Variants in SH3BP5L observed in about 807,000 individuals in gnomAD.
SH3BP5L encodes SH3 binding domain protein 5 like.
Under a neutral mutation model 40.9 loss-of-function variants are expected in SH3BP5L, and 16 were observed. The observed-to-expected ratio is 0.39, with a 90% CI of 0.27 to 0.59. SH3BP5L has a LOEUF of 0.59. SH3BP5L is among the 20% of genes least tolerant of loss of function. The probability of loss-of-function intolerance (pLI) is 0.53; values close to 1 mark genes in which losing one functional copy is unlikely to be tolerated. For missense variants in SH3BP5L, 471 were observed against 544.6 expected (o/e 0.86, Z 1.35); for synonymous variants, 229 against 226.7 (o/e 1.01, Z -0.09).
intron 2 of SH3BP5L, among the ~76,000 whole-genome samples, chr1:248,820,074 G>A (rs544741964): frequency 6.6e-6 from 1 of 152,234 alleles, no homozygotes; most frequent in Admixed American, 6.5e-5. Context: ...CAATCCGTAT[G>A]CACTTGACTC....
chr1:248,814,800 C>T, intron 4 of SH3BP5L, 190 bp from the exon 5 acceptor site: 2 of 723,522 alleles, frequency 2.8e-6, no homozygotes, highest in Non-Finnish European at 4.9e-6. Context: ...AGGATATGGA[C>T]TAGAAGAAAT....
At position 248,813,195 on chromosome 1, in the gene SH3BP5L, C is replaced by A. The variant is rs571643456; in HGVS notation, c.538-33G>T. On this transcript the variant is annotated intron_variant, in intron 5 of 6. Coordinates refer to ENST00000366472, the MANE Select transcript of SH3BP5L (RefSeq NM_030645.3). ...AGAGGACACATCACTGAGCCAGGAC[C>A]CATGCTTCAGTCTCTGGCATCTGCC... The A allele has an allele frequency of 6.7e-6, 10 of 1,483,202 alleles. No homozygotes were observed. The Admixed American group carries it at 1.3e-4, about 20-fold the overall frequency. The allele number at this position is 1,483,202 out of a possible 1,614,324, so 91.9% of individuals were successfully genotyped here.
chr1:248,816,633 T>C lies in SH3BP5L; in HGVS notation c.276A>G (p.Leu92=). ...TATTCAGTTTCCTCGCCGACTCCTG[T>C]AGGATCCTCCGATAGGTGGTCCTGG... ...DEARTTYRRI[L]QESARKLNTQ... is the part of the protein sequence containing the mutation. Residue 92 remains leucine, a synonymous_variant, in exon 4 of 7, where the codon CTA becomes CTG. Transcript: ENST00000366472. 2 of 1,614,080 alleles carry C rather than the reference T, an allele frequency of 1.2e-6. No individual in the cohort carries two copies. The highest frequency in any genetic ancestry group is 1.7e-6 in the Non-Finnish European group (2 of 1,180,018).
At chr1:248,817,318 T>A (rs1664135350) in intron 2 of SH3BP5L, among the ~76,000 whole-genome samples, 1 of 152,136 alleles carries the variant, frequency 6.6e-6, no homozygotes, top group Admixed American at 6.5e-5. Flanking sequence ...AGTCAGCACA[T>A]GTTTACTGCA....
intron 2 of SH3BP5L, among the ~76,000 whole-genome samples, chr1:248,817,518 A>G (rs1056613976): frequency 6.6e-6 from 1 of 152,204 alleles, no homozygotes; most frequent in African/African-American, 2.4e-5. Context: ...GGATGCCTGG[A>G]ACACTTGCTC....
intron 4 of SH3BP5L, among the ~76,000 whole-genome samples, chr1:248,815,445 G>C (rs1172167108): frequency 2.6e-5 from 4 of 152,028 alleles, no homozygotes; most frequent in African/African-American, 9.7e-5. Flanking sequence ...CAGCACACAT[G>C]GTTATCTGTG....
At chr1:248,817,223 C>T (rs186649877) in intron 2 of SH3BP5L, 1 of 196,116 alleles carries the variant, frequency 5.1e-6, no homozygotes, top group East Asian at 1.9e-4. Context: ...GATTGCAACA[C>T]TTCCTCAAAC....
At chr1:248,814,721 G>A (rs751868245) in intron 4 of SH3BP5L, 111 bp from the exon 5 acceptor site, 18 of 1,078,652 alleles carry the variant, frequency 1.7e-5, no homozygotes, top group Admixed American at 9.2e-5. Context: ...TAGCAATGTC[G>A]GCTTCATTTC....
In SH3BP5L at chr1:248,812,517, G is replaced by A; in HGVS notation, c.712-147C>T. 1.9e-6 allele frequency: 1 copy of A among 520,472 alleles called. No individual in the cohort carries two copies. The highest frequency in any genetic ancestry group is 3.2e-6 in the Non-Finnish European group (1 of 308,134). The allele number at this position is 520,472 out of a possible 1,614,324, so 32.2% of individuals were successfully genotyped here. On this transcript the variant is annotated intron_variant, in intron 6 of 6. Coordinates refer to ENST00000366472, the MANE Select transcript of SH3BP5L (RefSeq NM_030645.3). The surrounding 1 kb of genome is among the most constrained non-coding windows in gnomAD (Gnocchi z 6.1). ...CCACAGACCCACAACAGCCTTCCCTGCTCCACTCTCAGCACCCACCACAGA... is the reference window on the plus strand; with the variant it reads ...CCACAGACCCACAACAGCCTTCCCTACTCCACTCTCAGCACCCACCACAGA...
intron 2 of SH3BP5L, chr1:248,817,163 C>T: frequency 2.6e-6 from 2 of 779,284 alleles, no homozygotes; most frequent in Non-Finnish European, 4.0e-6. Context: ...GAGAATGCAA[C>T]ACTAATATGC....
At chr1:248,815,407 T>C (rs894559451) in intron 4 of SH3BP5L, among the ~76,000 whole-genome samples, 1 of 152,208 alleles carries the variant, frequency 6.6e-6, no homozygotes, top group Non-Finnish European at 1.5e-5. Flanking sequence ...TTTGGCTGGA[T>C]ATACAAGGAC....
At chr1:248,819,702 C>CAAAAAAAAAAAA (rs34840808) in intron 2 of SH3BP5L, among the ~76,000 whole-genome samples, 5 of 72,724 alleles carry the variant, frequency 6.9e-5, no homozygotes, top group East Asian at 3.7e-4. Flanking sequence ...GACTCAGTCT[C>CAAAAAAAAAAAA]AAAAAAAAAA....
intron 5 of SH3BP5L, chr1:248,813,532 C>T: frequency 4.5e-6 from 1 of 221,762 alleles, no homozygotes; most frequent in Non-Finnish European, 8.8e-6. Context: ...AGGGGAATGT[C>T]TGTCAGCACA....
intron 2 of SH3BP5L, chr1:248,820,779 A>G (rs2103018207): frequency 6.6e-6 from 1 of 152,320 alleles, no homozygotes; most frequent in Non-Finnish European, 1.5e-5. Flanking sequence ...CCACCCTGCA[A>G]TGTTCATGTG....
At position 248,813,135 on chromosome 1, in the gene SH3BP5L, G is replaced by A. The variant is rs751280700; in HGVS notation, c.565C>T (p.Arg189Ter). 1.9e-6 allele frequency: 3 copies of A among 1,602,962 alleles called. No individual in the cohort carries two copies. Among genetic ancestry groups the A allele is most frequent in the South Asian group, 1.1e-5 (1 of 89,822 alleles). The change falls in exon 6 of 7, where the codon CGA becomes TGA. Residue 189 changes from arginine (R) to a stop codon, truncating the protein, a stop_gained. Transcript: ENST00000366472. LOFTEE classifies it high-confidence loss of function. The stretch of plus-strand genomic sequence containing the variant: ...ACTCGCTGGTGCTCCCGCTCACCTC[G>A]AAGCCGCTCTTCCTCCGCCTCATTC... ...KVNEAEEERL[R>*]GEREHQRVTR...
rs771658340 is a variant in SH3BP5L at position 248,812,318 on chromosome 1, G to A, written c.764C>T (p.Thr255Met). ...GTTACGAAGGGCCACGGAGTAGCGC[G>A]TCTTGGCCTGAGCTACCTGCTGCTC... ...ELEQQVAQAKTRYSVALRNLE... is the reference protein window; with the variant it reads ...ELEQQVAQAKMRYSVALRNLE... Residue 255 changes from threonine (T) to methionine (M), a missense_variant, in exon 7 of 7, where the codon ACG becomes ATG. By Grantham distance (81) the Thr-to-Met change is moderately conservative. Transcript: ENST00000366472. The surrounding 1 kb of genome is among the most constrained non-coding windows in gnomAD (Gnocchi z 6.1). 1.2e-6 allele frequency: 2 copies of A among 1,610,052 alleles called. No homozygotes were observed. The highest frequency in any genetic ancestry group is 8.5e-7 in the Non-Finnish European group (1 of 1,179,976).
rs552478089 is a variant in SH3BP5L at position 248,821,710 on chromosome 1, G to A, written c.183+3043C>T. Among the ~76,000 whole-genome samples, 6 of 151,938 alleles carry A rather than the reference G, an allele frequency of 3.9e-5. No individual in the cohort carries two copies. Among genetic ancestry groups the A allele is most frequent in the Non-Finnish European group, 5.9e-5 (4 of 67,974 alleles). ...ACTGGAACCCTCTCGGAAAGCTGAG[G>A]ATGAGCCTGGAGGACTCAAAAGAAC... On this transcript the variant is annotated intron_variant, in intron 2 of 6. Transcript: ENST00000366472. This position sits in a 1 kb window ranked among gnomAD's most constrained non-coding sequence, Gnocchi z 4.6.
rs1664261278 is a variant in SH3BP5L at position 248,821,867 on chromosome 1, G to A, written c.183+2886C>T. On this transcript the variant is annotated intron_variant, in intron 2 of 6. Coordinates refer to ENST00000366472, the MANE Select transcript of SH3BP5L (RefSeq NM_030645.3). This position sits in a 1 kb window ranked among gnomAD's most constrained non-coding sequence, Gnocchi z 4.6. ...ACCATAAATGGCCATGGAGCTGCCTGCCTGCAAAGGAGCCCCAGCCCCAGG... is the reference window on the plus strand; with the variant it reads ...ACCATAAATGGCCATGGAGCTGCCTACCTGCAAAGGAGCCCCAGCCCCAGG... Among the ~76,000 whole-genome samples, 1 of 152,174 alleles carries A rather than the reference G, an allele frequency of 6.6e-6. No homozygotes were observed. Among genetic ancestry groups the A allele is most frequent in the East Asian group, 1.9e-4 (1 of 5,194 alleles).
chr1:248,814,442 G>A lies in SH3BP5L; in HGVS notation c.537+7C>T, dbSNP rs189090911. 4.8e-5 allele frequency: 77 copies of A among 1,613,770 alleles called. No individual in the cohort carries two copies. Among genetic ancestry groups the A allele is most frequent in the Non-Finnish European group, 5.4e-5 (64 of 1,179,972 alleles). On this transcript the variant is annotated splice_region_variant and intron_variant, in intron 5 of 6. Coordinates refer to ENST00000366472, the MANE Select transcript of SH3BP5L (RefSeq NM_030645.3). The stretch of plus-strand genomic sequence containing the variant: ...CGAAGGGGACCTGCTGGCACCGCCC[G>A]GCTCACCTTGCAGGTAGCATGGTTC...
Sources: allele counts gnomAD v4.1 joint callset (sites outside exome capture counted in the v4.1 genomes callset), GRCh38; gene constraint gnomAD v4.1.1; non-coding constraint Gnocchi (gnomAD v3.1); transcripts MANE v1.5; gene names NCBI Gene and HGNC (gene_info 2026-07-23, HGNC 2026-07-21).